The following FAM219A variants were observed in gnomAD, a reference collection of about 807,000 sequenced individuals.
FAM219A encodes the protein family with sequence similarity 219 member A.
Under a neutral mutation model 23.4 loss-of-function variants are expected in FAM219A, and 7 were observed. The ratio of observed to expected loss-of-function variants is 0.30; its 90% CI spans 0.17 to 0.56. The LOEUF is 0.56. Ranked by LOEUF, FAM219A falls within the 20% of genes least tolerant of loss-of-function variation. The pLI, the probability that FAM219A is intolerant of heterozygous loss-of-function variation, is 0.92. For missense variants in FAM219A, 166 were observed against 246.9 expected (o/e 0.67, Z 2.20); for synonymous variants, 93 against 99.0 (o/e 0.94, Z 0.36).
intron 1 of FAM219A, among the ~76,000 whole-genome samples, chr9:34,420,124 T>C (rs1393017004): frequency 6.6e-6 from 1 of 152,108 alleles, no homozygotes; most frequent in Non-Finnish European, 1.5e-5. Flanking sequence ...ACTTTGATAA[T>C]CACTGAACCC....
chr9:34,442,132 C>A (rs1357201735), intron 1 of FAM219A, among the ~76,000 whole-genome samples: 2 of 152,154 alleles, frequency 1.3e-5, no homozygotes, highest in East Asian at 1.9e-4. Flanking sequence ...TAAACTGTGG[C>A]ATACACATCA....
Position 34,458,352 on chromosome 9 carries a change from G to T in FAM219A, c.-89C>A. 1.9e-6 allele frequency: 2 copies of T among 1,029,796 alleles called. No homozygotes were observed. Among genetic ancestry groups the T allele is most frequent in the Non-Finnish European group, 2.4e-6 (2 of 817,606 alleles). 63.8% of individuals were successfully genotyped at this position (1,029,796 alleles called of 1,614,324 possible). ...GGCGGCGGCCCCAGGAGCCCGGCGG[G>T]TGGTGCAGACTAGGCCTCCCCGGAC... On this transcript the variant is annotated 5_prime_UTR_variant, in exon 1 of 6. Coordinates refer to ENST00000651358, the MANE Select transcript of FAM219A (RefSeq NM_001184940.2). This position sits in a 1 kb window ranked among gnomAD's most constrained non-coding sequence, Gnocchi z 6.6.
In FAM219A at chr9:34,458,265, G is replaced by A. The variant is rs1360514609; in HGVS notation, c.-2C>T. ...GAACCGGTCGATCTCCTCCATCATG[G>A]TGCCGGCGGGCGAGCGGGCCAGGGG... On this transcript the variant is annotated 5_prime_UTR_variant, in exon 1 of 6. Coordinates refer to ENST00000651358, the MANE Select transcript of FAM219A (RefSeq NM_001184940.2). The surrounding 1 kb of genome is among the most constrained non-coding windows in gnomAD (Gnocchi z 6.6). The A allele has an allele frequency of 1.3e-5, 20 of 1,551,348 alleles. No individual in the cohort carries two copies. The highest frequency in any genetic ancestry group is 5.5e-5 in the Admixed American group (3 of 54,506).
rs111763986 is a variant in FAM219A, at chr9:34,417,518, C to T, written c.61-11554G>A. Among the ~76,000 whole-genome samples the T allele has an allele frequency of 6.6e-6, 1 of 152,200 alleles. No individual in the cohort carries two copies. The highest frequency in any genetic ancestry group is 6.5e-5 in the Admixed American group (1 of 15,286). ...CTACACTGAAATCCACATATATTTA[C>T]ATTTAGGATCATTTCCTAAATAAAG... On this transcript the variant is annotated intron_variant, in intron 1 of 5. Transcript: ENST00000651358. This position sits in a 1 kb window ranked among gnomAD's most constrained non-coding sequence, Gnocchi z 4.1.
At chr9:34,416,744 A>G (rs1001865400) in intron 1 of FAM219A, among the ~76,000 whole-genome samples, 3 of 79,216 alleles carry the variant, frequency 3.8e-5, no homozygotes, top group Admixed American at 3.6e-4. Context: ...TCTCAAAAAA[A>G]AAAAAGTATG....
At chr9:34,427,114 C>T (rs1822514999) in intron 1 of FAM219A, among the ~76,000 whole-genome samples, 1 of 152,148 alleles carries the variant, frequency 6.6e-6, no homozygotes, top group Admixed American at 6.5e-5. Flanking sequence ...TCCTTTTTAA[C>T]CTCATGCTCC....
chr9:34,430,867 T>C (rs375179390), intron 1 of FAM219A, among the ~76,000 whole-genome samples: 7,711 of 120,010 alleles, frequency 0.064, 274 homozygotes, highest in Non-Finnish European at 0.076. Context: ...ACAACAACAA[T>C]AAGTTAAATG....
chr9:34,431,651 G>A (rs1822708583), intron 1 of FAM219A, among the ~76,000 whole-genome samples: 1 of 152,168 alleles, frequency 6.6e-6, no homozygotes, highest in African/African-American at 2.4e-5. Flanking sequence ...CAAGTGGGAG[G>A]ATTGCTTGAG....
intron 1 of FAM219A, among the ~76,000 whole-genome samples, chr9:34,425,401 A>C (rs542738028): frequency 6.6e-6 from 1 of 152,254 alleles, no homozygotes; most frequent in African/African-American, 2.4e-5. Context: ...AATCTCATGA[A>C]CCTGGGAGGC....
rs77200115 is a variant in FAM219A at position 34,409,368 on chromosome 9, A to C, written c.61-3404T>G. 3.9e-5 allele frequency among the ~76,000 whole-genome samples: 6 copies of C among 152,358 alleles called. No individual in the cohort carries two copies. The East Asian group carries it at 1.2e-3, about 29-fold the overall frequency. Reference sequence around the variant, plus strand: ...ATGTAAAATATTCATGAATGTAAGTATCAGAAAAGACTCCAGGCAGAAGGA... The same window carrying C: ...ATGTAAAATATTCATGAATGTAAGTCTCAGAAAAGACTCCAGGCAGAAGGA... On this transcript the variant is annotated intron_variant, in intron 1 of 5. Coordinates refer to ENST00000651358, the MANE Select transcript of FAM219A (RefSeq NM_001184940.2).
chr9:34,456,737 G>A (rs1407311688), intron 1 of FAM219A, among the ~76,000 whole-genome samples: 1 of 152,180 alleles, frequency 6.6e-6, no homozygotes, highest in African/African-American at 2.4e-5. Flanking sequence ...CATGAGGCTA[G>A]GAAAAAGTCC....
chr9:34,414,394 T>A (rs1442883762), intron 1 of FAM219A, among the ~76,000 whole-genome samples: 1 of 152,224 alleles, frequency 6.6e-6, no homozygotes, highest in Non-Finnish European at 1.5e-5. Flanking sequence ...AGCCAGGCAA[T>A]TGGCCAGGAC....
intron 1 of FAM219A, among the ~76,000 whole-genome samples, chr9:34,421,146 GGGCCCATAGA>G (rs1388201441): frequency 2.0e-5 from 3 of 152,016 alleles, no homozygotes; most frequent in Non-Finnish European, 4.4e-5. Flanking sequence ...CAGGGCTGAG[GGGCCCATAGA>G]GGCCTGGGGG....
intron 1 of FAM219A, among the ~76,000 whole-genome samples, chr9:34,420,595 G>A (rs1822231016): frequency 6.6e-6 from 1 of 152,156 alleles, no homozygotes; most frequent in Non-Finnish European, 1.5e-5. Context: ...CCCAAAGGAA[G>A]GGTCAAGAGG....
At chr9:34,407,614 T>C (rs1800000449) in intron 1 of FAM219A, among the ~76,000 whole-genome samples, 2 of 152,174 alleles carry the variant, frequency 1.3e-5, no homozygotes, top group South Asian at 4.1e-4. Flanking sequence ...GGGCTTGGAG[T>C]TAAAGACAGG....
At chr9:34,401,519 C>T in intron 5 of FAM219A, 147 bp downstream of exon 5, 2 of 878,366 alleles carry the variant, frequency 2.3e-6, no homozygotes, top group Non-Finnish European at 3.5e-6. Context: ...TCTCTTCCAT[C>T]CTATCCCAGG....
chr9:34,401,601 C>T, intron 5 of FAM219A, 65 bp downstream of exon 5: 2 of 1,560,220 alleles, frequency 1.3e-6, no homozygotes, highest in Non-Finnish European at 1.7e-6. Context: ...TTGGCCCCAG[C>T]CCTCCCCCGG....
chr9:34,402,940 T>G, intron 2 of FAM219A, 133 bp from the exon 3 acceptor site: 1 of 703,320 alleles, frequency 1.4e-6, no homozygotes, highest in Non-Finnish European at 2.4e-6. Context: ...GGATCCCAAC[T>G]CCAGGCCCCT....
chr9:34,417,936 A>G lies in FAM219A; in HGVS notation c.61-11972T>C, dbSNP rs1159069101. Reference sequence around the variant, plus strand: ...CACTGGCACTGCCTGGCAACTGGGCACTGTGCTTTAGCCAGTCCTCACCTG... The same window carrying G: ...CACTGGCACTGCCTGGCAACTGGGCGCTGTGCTTTAGCCAGTCCTCACCTG... On this transcript the variant is annotated intron_variant, in intron 1 of 5. Coordinates refer to ENST00000651358, the MANE Select transcript of FAM219A (RefSeq NM_001184940.2). This position sits in a 1 kb window ranked among gnomAD's most constrained non-coding sequence, Gnocchi z 4.1. 6.6e-6 allele frequency among the ~76,000 whole-genome samples: 1 copy of G among 152,232 alleles called. No individual in the cohort carries two copies. The highest frequency in any genetic ancestry group is 2.4e-5 in the African/African-American group (1 of 41,464).
Sources: gnomAD v4.1 joint callset for allele counts (sites outside exome capture counted in the v4.1 genomes callset) on GRCh38, gnomAD v4.1.1 for gene constraint, Gnocchi (gnomAD v3.1) non-coding constraint, MANE v1.5 for transcripts, NCBI Gene and HGNC (gene_info 2026-07-23, HGNC 2026-07-21) for gene names.